RAN: variants seen among roughly 807,000 people sequenced by gnomAD.
The protein encoded by RAN is GTP-binding nuclear protein Ran.
A neutral mutation model predicts 26.8 loss-of-function variants in RAN; 2 were observed. The observed-to-expected ratio is 0.07, with a 90% CI of 0.03 to 0.23. The LOEUF (loss-of-function observed/expected upper bound fraction) is 0.23. RAN is among the 10% of genes least tolerant of loss of function. The pLI, the probability that RAN is intolerant of heterozygous loss-of-function variation, is 1.00. For synonymous variants in RAN, 132 were observed against 95.9 expected (o/e 1.38, Z -2.20); for missense variants, 56 against 264.8 (o/e 0.21, Z 5.47).
Position 130,873,134 on chromosome 12 carries a change from C to T in RAN, c.247+6C>T, listed in dbSNP as rs752752731. 5 of 1,614,072 alleles carry T rather than the reference C, an allele frequency of 3.1e-6. No individual in the cohort carries two copies. Among genetic ancestry groups the T allele is most frequent in the South Asian group, 2.2e-5 (2 of 91,074 alleles). ...AGATGGCTATTATATCCAAGGTAGG[C>T]ATTTGTAACTTGCTGAACGGTTTTT... On this transcript the variant is annotated splice_donor_region_variant and intron_variant, in intron 4 of 6. Transcript: ENST00000543796.
At position 130,872,570 on chromosome 12, in the gene RAN, C is replaced by G. The variant is rs1565954277; in HGVS notation, c.-10-14C>G. The G allele has an allele frequency of 6.7e-7, 1 of 1,500,420 alleles. No individual in the cohort carries two copies. The highest frequency in any genetic ancestry group is 8.8e-7 in the Non-Finnish European group (1 of 1,130,182). 92.9% of individuals were successfully genotyped at this position (1,500,420 alleles called of 1,614,324 possible). A position where few individuals can be genotyped will look rare whatever the true frequency, so the allele number is the denominator to read the frequency against. Reference sequence around the variant, plus strand: ...GGCCGCGCGAGCGCTCGCCTCCGTCCTCTGCCTCCGCAGGAACGCCGCGAT... The same window carrying G: ...GGCCGCGCGAGCGCTCGCCTCCGTCGTCTGCCTCCGCAGGAACGCCGCGAT... On this transcript the variant is annotated splice_polypyrimidine_tract_variant and intron_variant, in intron 1 of 6. Coordinates refer to ENST00000543796, the MANE Select transcript of RAN (RefSeq NM_006325.5).
chr12:130,876,872 G>A lies in RAN; in HGVS notation c.*946G>A, dbSNP rs1239068691. Reference sequence around the variant, plus strand: ...TCAGGTACTCCTAGACTTTAAAGATGTCTTGAACATTTAAGTTCTTCAGCA... The same window carrying A: ...TCAGGTACTCCTAGACTTTAAAGATATCTTGAACATTTAAGTTCTTCAGCA... On this transcript the variant is annotated 3_prime_UTR_variant, in exon 7 of 7. Transcript: ENST00000543796. 6.6e-6 allele frequency: 1 copy of A among 152,076 alleles called. No individual in the cohort carries two copies. Among genetic ancestry groups the A allele is most frequent in the Non-Finnish European group, 1.5e-5 (1 of 68,012 alleles). 9.4% of individuals were successfully genotyped at this position (152,076 alleles called of 1,614,324 possible).
At chr12:130,872,752 C>G (rs949848062) in intron 2 of RAN, 84 bp from the exon 3 acceptor site, 2 of 1,576,548 alleles carry the variant, frequency 1.3e-6, no homozygotes, top group Non-Finnish European at 8.7e-7. Context: ...TTTAAGTGAG[C>G]CTGTGGTGGT....
Position 130,873,136 on chromosome 12 carries a change from T to G in RAN, c.247+8T>G, listed in dbSNP as rs758382327. The G allele has an allele frequency of 1.9e-6, 3 of 1,614,042 alleles. No homozygotes were observed. In the Admixed American group the frequency reaches 5.0e-5, roughly 27 times the overall value. ...ATGGCTATTATATCCAAGGTAGGCA[T>G]TTGTAACTTGCTGAACGGTTTTTGA... On this transcript the variant is annotated splice_region_variant and intron_variant, in intron 4 of 6. Transcript: ENST00000543796.
chr12:130,873,462 A>G (rs950923243), intron 4 of RAN: 2 of 282,816 alleles, frequency 7.1e-6, no homozygotes, highest in African/African-American at 2.2e-5. Flanking sequence ...GTGGTGATCA[A>G]TGAATGTTTT....
chr12:130,873,992 C>A (rs1455188530), intron 4 of RAN: 2 of 387,522 alleles, frequency 5.2e-6, no homozygotes, highest in Admixed American at 5.4e-5. Flanking sequence ...GGACTATAGG[C>A]ACGTGCCACT....
Position 130,872,907 on chromosome 12 carries a change from G to A in RAN, c.108G>A (p.Glu36=), listed in dbSNP as rs1454240628. 3 of 1,614,130 alleles carry A rather than the reference G, an allele frequency of 1.9e-6. No homozygotes were observed. The highest frequency in any genetic ancestry group is 2.7e-5 in the African/African-American group (2 of 74,954). ...AACGTCATTTGACTGGTGAATTTGAGAAGAAGTATGTAGGTATGTGCTGGA... is the reference window on the plus strand; with the variant it reads ...AACGTCATTTGACTGGTGAATTTGAAAAGAAGTATGTAGGTATGTGCTGGA... ...FVKRHLTGEF[E]KKYVATLGVE... is the part of the protein sequence containing the mutation. Residue 36 remains glutamate, a synonymous_variant, in exon 3 of 7, where the codon GAG becomes GAA. Transcript: ENST00000543796.
Position 130,877,182 on chromosome 12 carries a change from G to C in RAN, c.*1256G>C, listed in dbSNP as rs1953262291. ...TTCTTGTAGCAGTTAGGAATCTTGA[G>C]CTATTTTTTTCTCATACGATTACTA... is the stretch of plus-strand genomic sequence containing the variant. On this transcript the variant is annotated 3_prime_UTR_variant, in exon 7 of 7. Coordinates refer to ENST00000543796, the MANE Select transcript of RAN (RefSeq NM_006325.5). 1 of 151,922 alleles carries C rather than the reference G, an allele frequency of 6.6e-6. No homozygotes were observed. The highest frequency in any genetic ancestry group is 1.5e-5 in the Non-Finnish European group (1 of 68,010). 9.4% of individuals were successfully genotyped at this position (151,922 alleles called of 1,614,324 possible). A position where few individuals can be genotyped will look rare whatever the true frequency, so the allele number is the denominator to read the frequency against.
chr12:130,873,301 A>G, intron 4 of RAN, 173 bp downstream of exon 4: 1 of 806,028 alleles, frequency 1.2e-6, no homozygotes, highest in Non-Finnish European at 1.9e-6. Context: ...ATTTTATTAA[A>G]GTTGTGTCAT....
In RAN at chr12:130,872,453, C is replaced by T. The variant is rs899044644; in HGVS notation, c.-10-131C>T. 2.9e-5 allele frequency: 13 copies of T among 450,122 alleles called. No homozygotes were observed. In the Admixed American group the frequency reaches 3.9e-4, roughly 14 times the overall value. 27.9% of individuals were successfully genotyped at this position (450,122 alleles called of 1,614,324 possible). On this transcript the variant is annotated intron_variant, in intron 1 of 6. Transcript: ENST00000543796. ...CGCCCGCCGCCTTCCCGCTCCCAGG[C>T]CTGGCCGCCATGGCGCCGCGGGCGG...
At position 130,877,623 on chromosome 12, in the gene RAN, A is replaced by G. The variant is rs542339094; in HGVS notation, c.*1697A>G. 1 of 152,336 alleles carries G rather than the reference A, an allele frequency of 6.6e-6. No individual in the cohort carries two copies. Among genetic ancestry groups the G allele is most frequent in the South Asian group, 2.1e-4 (1 of 4,828 alleles). 9.4% of individuals were successfully genotyped at this position (152,336 alleles called of 1,614,324 possible). A position where few individuals can be genotyped will look rare whatever the true frequency, so the allele number is the denominator to read the frequency against. On this transcript the variant is annotated 3_prime_UTR_variant, in exon 7 of 7. Transcript: ENST00000543796. ...AACGTGGTGTGGGAGAGAATTTACA[A>G]GTCCTTTATTGAAAGAATAATTGTT... is the stretch of plus-strand genomic sequence containing the variant.
intron 4 of RAN, chr12:130,874,001 C>T (rs560899666): frequency 1.3e-5 from 5 of 388,582 alleles, no homozygotes; most frequent in South Asian, 3.6e-5. Flanking sequence ...GCACGTGCCA[C>T]TATGCCTGAC....
rs767116174 is a variant in RAN, at chr12:130,872,859, T to G, written c.60T>G (p.Gly20=). The G allele has an allele frequency of 7.4e-6, 12 of 1,614,212 alleles. No homozygotes were observed. The highest frequency in any genetic ancestry group is 1.0e-5 in the Non-Finnish European group (12 of 1,180,022). Residue 20 remains glycine (G), a synonymous_variant, in exon 3 of 7, where the codon GGT becomes GGG. Coordinates refer to ENST00000543796, the MANE Select transcript of RAN (RefSeq NM_006325.5). ...AGCTTGTATTGGTTGGTGATGGTGGTACTGGAAAAACGACCTTCGTGAAAC... is the reference window on the plus strand; with the variant it reads ...AGCTTGTATTGGTTGGTGATGGTGGGACTGGAAAAACGACCTTCGTGAAAC... ...QFKLVLVGDG[G]TGKTTFVKRH...
Position 130,876,036 on chromosome 12 carries a change from T to C in RAN, c.*110T>C. The C allele has an allele frequency of 7.0e-6, 8 of 1,137,168 alleles. No homozygotes were observed. The highest frequency in any genetic ancestry group is 1.0e-5 in the Non-Finnish European group (8 of 770,944). 70.4% of individuals were successfully genotyped at this position (1,137,168 alleles called of 1,614,324 possible). The stretch of plus-strand genomic sequence containing the variant: ...CATTATTATCTAGCTAAGCGGAACA[T>C]GTGCTTCATCTGTGGGATGCTGAAG... On this transcript the variant is annotated 3_prime_UTR_variant, in exon 7 of 7. Transcript: ENST00000543796.
chr12:130,875,384 C>G (rs1286845281), intron 5 of RAN, among the ~76,000 whole-genome samples: 1 of 151,680 alleles, frequency 6.6e-6, no homozygotes, highest in Admixed American at 6.6e-5. Flanking sequence ...ACCATGCCCA[C>G]CTAATTTGTT....
In RAN at chr12:130,872,614, C is replaced by G. The variant is rs565658715; in HGVS notation, c.21C>G (p.Pro7=). The G allele has an allele frequency of 3.2e-5, 49 of 1,529,474 alleles. No homozygotes were observed. In the Admixed American group the frequency reaches 7.5e-4, roughly 23 times the overall value. 94.7% of individuals were successfully genotyped at this position (1,529,474 alleles called of 1,614,324 possible). A position where few individuals can be genotyped will look rare whatever the true frequency, so the allele number is the denominator to read the frequency against. MAAQGE[P]QVQFKLVLVG... is the part of the protein sequence containing the mutation. ...CCGCGATGGCTGCGCAGGGAGAGCC[C>G]CAGGTCCAGTTCAAAGTAGGTAACC... Residue 7 remains proline, a synonymous_variant, in exon 2 of 7, where the codon CCC becomes CCG. Coordinates refer to ENST00000543796, the MANE Select transcript of RAN (RefSeq NM_006325.5).
rs1565957099 is a variant in RAN, at chr12:130,877,549, A to G, written c.*1623A>G. On this transcript the variant is annotated 3_prime_UTR_variant, in exon 7 of 7. Coordinates refer to ENST00000543796, the MANE Select transcript of RAN (RefSeq NM_006325.5). ...ATTGCAAGTGGTGTTGACATTCTGG[A>G]TCTTCTATGTAACAGTTGAAATTTG... 1 of 152,180 alleles carries G rather than the reference A, an allele frequency of 6.6e-6. No homozygotes were observed. Among genetic ancestry groups the G allele is most frequent in the Non-Finnish European group, 1.5e-5 (1 of 68,046 alleles). 9.4% of individuals were successfully genotyped at this position (152,180 alleles called of 1,614,324 possible).
intron 4 of RAN, 80 bp from the exon 5 acceptor site, chr12:130,874,466 T>C: frequency 8.6e-7 from 1 of 1,163,070 alleles, no homozygotes; most frequent in Non-Finnish European, 1.2e-6. Flanking sequence ...TATAACTAGT[T>C]GAATCCTAGT....
intron 2 of RAN, 56 bp downstream of exon 2, chr12:130,872,685 G>A: frequency 6.5e-7 from 1 of 1,534,486 alleles, no homozygotes; most frequent in Non-Finnish European, 8.8e-7. Flanking sequence ...CGACTCGCGG[G>A]TCCCTCCTCC....
Sources: allele counts gnomAD v4.1 joint callset (sites outside exome capture counted in the v4.1 genomes callset), GRCh38; gene constraint gnomAD v4.1.1; transcripts MANE v1.5; gene names NCBI Gene and HGNC (gene_info 2026-07-23, HGNC 2026-07-21).